LPA: variants seen among roughly 807,000 people sequenced by gnomAD.
LPA encodes apolipoprotein(a).
In LPA, 199 loss-of-function variants were observed where a neutral mutation model predicts 197.9. That is an observed-to-expected ratio of 1.01 (90% CI 0.90 to 1.13). The LOEUF (loss-of-function observed/expected upper bound fraction) is 1.13. Among genes scored for constraint, LPA ranks in the 50% most tolerant of loss-of-function variants. LPA has a pLI of 0.00. For synonymous variants in LPA, 715 were observed against 639.5 expected, an observed-to-expected ratio of 1.12 and a Z score of -1.78; for missense variants, 1,853 against 1,785.8, an observed-to-expected ratio of 1.04 and a Z score of -0.68.
intron 18 of LPA, 124 bp downstream of exon 18, chr6:160,604,922 C>T (rs1583614572): frequency 7.0e-7 from 1 of 1,434,544 alleles, no homozygotes; most frequent in East Asian, 2.3e-5. Context: ...GTTCCTGAGA[C>T]ATTTTGCTAT....
At chr6:160,587,864 G>T (rs1211132980) in intron 24 of LPA, among the ~76,000 whole-genome samples, 1 of 149,104 alleles carries the variant, frequency 6.7e-6, no homozygotes, top group African/African-American at 2.5e-5. Flanking sequence ...TTATTTTCTA[G>T]GTCACCTTTC....
At chr6:160,532,487 G>T in intron 38 of LPA, 44 bp downstream of exon 38, 1 of 1,449,190 alleles carries the variant, frequency 6.9e-7, no homozygotes, top group South Asian at 1.1e-5. Flanking sequence ...GACTGAGACT[G>T]AGACGGGAGA....
intron 28 of LPA, among the ~76,000 whole-genome samples, chr6:160,575,589 T>C (rs1778640318): frequency 6.6e-6 from 1 of 152,134 alleles, no homozygotes; most frequent in Non-Finnish European, 1.5e-5. Context: ...TTTTGTGGAG[T>C]AGATTTTGCT....
At chr6:160,557,601 A>G in intron 28 of LPA, 30 bp from the exon 29 acceptor site, 1 of 1,610,956 alleles carries the variant, frequency 6.2e-7, no homozygotes, top group Non-Finnish European at 8.5e-7. Context: ...ACAGGTCACA[A>G]GAGGCGGGAA....
In LPA at chr6:160,594,059, A is replaced by T; in HGVS notation, c.3528T>A (p.Tyr1176Ter). ...QDCYHGDGQS[Y>*]RGSFSTTVTG... Reference sequence around the variant, plus strand: ...TGACAGTGGTAGAGAATGAGCCTCGATAACTCTGTCCATCACCATGGTAGC... The same window carrying T: ...TGACAGTGGTAGAGAATGAGCCTCGTTAACTCTGTCCATCACCATGGTAGC... Residue 1176 changes from tyrosine (Y) to a stop codon, truncating the protein, a stop_gained, in exon 22 of 39, where the codon TAT (tyrosine) becomes TAA (stop). Coordinates refer to ENST00000316300, the MANE Select transcript of LPA (RefSeq NM_005577.4). LOFTEE classifies it high-confidence loss of function. 6.2e-7 allele frequency: 1 copy of T among 1,614,010 alleles called. No individual in the cohort carries two copies. The highest frequency in any genetic ancestry group is 8.5e-7 in the Non-Finnish European group (1 of 1,179,886).
At chr6:160,651,370 T>C (rs1420054483) in intron 1 of LPA, among the ~76,000 whole-genome samples, 1 of 152,140 alleles carries the variant, frequency 6.6e-6, no homozygotes, top group Non-Finnish European at 1.5e-5. Context: ...ATAGGAACAC[T>C]GAGAAAATTC....
intron 2 of LPA, among the ~76,000 whole-genome samples, chr6:160,648,878 AT>A (rs1779953740): frequency 6.6e-6 from 1 of 151,912 alleles, no homozygotes; most frequent in Admixed American, 6.6e-5. Flanking sequence ...CATTCTAATC[AT>A]TTCTGTCTCT....
At chr6:160,606,120 T>A (rs565454395) in intron 17 of LPA, among the ~76,000 whole-genome samples, 90 of 152,298 alleles carry the variant, frequency 5.9e-4, no homozygotes, top group Non-Finnish European at 1.2e-3. Context: ...TGCTGGCTAA[T>A]TGAAGAAGTC....
intron 26 of LPA, among the ~76,000 whole-genome samples, chr6:160,579,375 G>C (rs1265161294): frequency 1.3e-5 from 2 of 152,184 alleles, no homozygotes; most frequent in Non-Finnish European, 2.9e-5. Context: ...GCAGGATGCT[G>C]CTTCTCTAGG....
At chr6:160,611,062 G>C (rs1184847088) in intron 16 of LPA, among the ~76,000 whole-genome samples, 1 of 152,006 alleles carries the variant, frequency 6.6e-6, no homozygotes, top group Non-Finnish European at 1.5e-5. Context: ...TATCCTTTCA[G>C]GCCACTGGTA....
At chr6:160,576,025 C>A (rs1185240317) in intron 28 of LPA, among the ~76,000 whole-genome samples, 2 of 152,042 alleles carry the variant, frequency 1.3e-5, no homozygotes, top group African/African-American at 4.8e-5. Flanking sequence ...TGATGAAATA[C>A]AGCACACTTA....
rs1231300692 is a variant in LPA at position 160,577,134 on chromosome 6, A to G, written c.4631+2T>C. On this transcript the variant is annotated splice_donor_variant, in intron 28 of 38. Coordinates refer to ENST00000316300, the MANE Select transcript of LPA (RefSeq NM_005577.4). LOFTEE classifies it high-confidence loss of function. ...CTCTTATGGTTTTAATCAAATACAT[A>G]CGCATTTGGGTAGTTTTCTGGGGTC... is the stretch of plus-strand genomic sequence containing the variant. 2 of 1,613,340 alleles carry G rather than the reference A, an allele frequency of 1.2e-6. No individual in the cohort carries two copies. The highest frequency in any genetic ancestry group is 2.2e-5 in the East Asian group (1 of 44,860).
intron 21 of LPA, among the ~76,000 whole-genome samples, chr6:160,594,841 C>G (rs551520192): frequency 5.3e-5 from 8 of 152,244 alleles, no homozygotes; most frequent in African/African-American, 7.2e-5. Flanking sequence ...TAGGCCAGAA[C>G]GATGGAGCAT....
intron 22 of LPA, 55 bp from the exon 23 acceptor site, chr6:160,591,156 C>A: frequency 6.2e-7 from 1 of 1,601,848 alleles, no homozygotes; most frequent in Non-Finnish European, 8.5e-7. Flanking sequence ...TACAAGGGCA[C>A]CAGACATCCT....
intron 29 of LPA, 75 bp from the exon 30 acceptor site, chr6:160,556,259 G>T: frequency 7.1e-7 from 1 of 1,410,116 alleles, no homozygotes; most frequent in Non-Finnish European, 1.0e-6. Flanking sequence ...ACACAAACAG[G>T]ACAGTAGTTT....
intron 16 of LPA, among the ~76,000 whole-genome samples, chr6:160,607,916 GA>G (rs1223173200): frequency 6.6e-6 from 1 of 152,034 alleles, no homozygotes; most frequent in East Asian, 1.9e-4. Context: ...ATATCTCCTT[GA>G]ACCCACACAG....
chr6:160,648,605 C>A (rs1299301465), intron 2 of LPA, among the ~76,000 whole-genome samples: 3 of 151,764 alleles, frequency 2.0e-5, no homozygotes, highest in African/African-American at 4.8e-5. Flanking sequence ...TGTGTGTATG[C>A]ATGCGTGTGT....
At chr6:160,577,665 G>C (rs548232833) in intron 27 of LPA, among the ~76,000 whole-genome samples, 1 of 152,122 alleles carries the variant, frequency 6.6e-6, no homozygotes, top group Non-Finnish European at 1.5e-5. Flanking sequence ...TCAGTCAGGG[G>C]CCGACACAAG....
At chr6:160,649,263 A>G (rs1779960802) in intron 2 of LPA, among the ~76,000 whole-genome samples, 1 of 152,152 alleles carries the variant, frequency 6.6e-6, no homozygotes. Flanking sequence ...CCTTAGTGCT[A>G]TTTGAGCTCT....
Sources: allele counts gnomAD v4.1 joint callset (sites outside exome capture counted in the v4.1 genomes callset), GRCh38; gene constraint gnomAD v4.1.1; transcripts MANE v1.5; gene names NCBI Gene and HGNC (gene_info 2026-07-23, HGNC 2026-07-21).